XRCC6: variants seen among roughly 807,000 people sequenced by gnomAD.
XRCC6 encodes DNA repair protein Ku70.
A neutral mutation model predicts 65.7 loss-of-function variants in XRCC6; 5 were observed. The ratio of observed to expected loss-of-function variants is 0.08; its 90% CI spans 0.04 to 0.16. The LOEUF is 0.16. Ranked by LOEUF, XRCC6 falls within the 10% of genes least tolerant of loss-of-function variation. The pLI is 1.00. For synonymous variants in XRCC6, 270 were observed against 270.6 expected, an observed-to-expected ratio of 1.00 and a Z score of 0.02; for missense variants, 447 against 738.1, an observed-to-expected ratio of 0.61 and a Z score of 4.57.
chr22:41,645,068 AGGCG>A (rs1373881991), intron 6 of XRCC6, among the ~76,000 whole-genome samples: 1 of 151,696 alleles, frequency 6.6e-6, no homozygotes, highest in Non-Finnish European at 1.5e-5. Flanking sequence ...TGGGAGGCCG[AGGCG>A]GGCGGATCAC....
At chr22:41,631,122 C>T (rs1381711820) in intron 3 of XRCC6, among the ~76,000 whole-genome samples, 3 of 149,398 alleles carry the variant, frequency 2.0e-5, no homozygotes, top group East Asian at 2.0e-4. Flanking sequence ...CTGGACGGGG[C>T]GGCTGGCAGG....
At chr22:41,639,667 C>CTTT (rs71184825) in intron 6 of XRCC6, among the ~76,000 whole-genome samples, 4 of 81,050 alleles carry the variant, frequency 4.9e-5, no homozygotes, top group African/African-American at 1.1e-4. Context: ...GATTCTCTCT[C>CTTT]TTTTTTTTTT....
At chr22:41,640,003 G>C (rs990638857) in intron 6 of XRCC6, among the ~76,000 whole-genome samples, 1 of 151,728 alleles carries the variant, frequency 6.6e-6, no homozygotes, top group South Asian at 2.1e-4. Context: ...AATCCTAAAG[G>C]TTACTCATTG....
At chr22:41,645,193 C>T (rs956412785) in intron 6 of XRCC6, among the ~76,000 whole-genome samples, 2 of 151,312 alleles carry the variant, frequency 1.3e-5, no homozygotes, top group African/African-American at 4.9e-5. Flanking sequence ...CCCAGCTACT[C>T]GGGAGGCTGA....
rs750789414 is a variant in XRCC6, at chr22:41,658,335, A to C, written c.1505A>C (p.Gln502Pro). The C allele has an allele frequency of 6.2e-7, 1 of 1,614,180 alleles. No individual in the cohort carries two copies. Among genetic ancestry groups the C allele is most frequent in the Non-Finnish European group, 8.5e-7 (1 of 1,180,024 alleles). Residue 502 changes from glutamine to proline, a missense_variant, in exon 11 of 13, where the codon CAA (glutamine) becomes CCA (proline). This residue lies in a region of XRCC6 where 201 missense variants were observed against 374.1 expected (regional missense o/e 0.54). Coordinates refer to ENST00000360079, the MANE Select transcript of XRCC6 (RefSeq NM_001469.5). ...GCCTTGGATTTGATGGAGCCGGAACAAGCAGTGGACCTGACATGTAAGGAG... is the reference window on the plus strand; with the variant it reads ...GCCTTGGATTTGATGGAGCCGGAACCAGCAGTGGACCTGACATGTAAGGAG... Reference protein sequence around the residue: ...ALALDLMEPEQAVDLTLPKVE... With the variant: ...ALALDLMEPEPAVDLTLPKVE...
intron 9 of XRCC6, 69 bp downstream of exon 9, chr22:41,653,759 A>C: frequency 6.5e-7 from 1 of 1,530,286 alleles, no homozygotes; most frequent in Non-Finnish European, 8.9e-7. Flanking sequence ...ATGGACTCCT[A>C]ATGCAGACCT....
chr22:41,659,400 C>T (rs776907775), intron 11 of XRCC6, among the ~76,000 whole-genome samples: 3 of 151,992 alleles, frequency 2.0e-5, no homozygotes, highest in Non-Finnish European at 2.9e-5. Context: ...TTAGTAGAGA[C>T]GGGGTTTCAC....
chr22:41,649,139 A>AAAAAAAAAATATATATATAT, intron 7 of XRCC6, among the ~76,000 whole-genome samples: 3 of 88,736 alleles, frequency 3.4e-5, no homozygotes, highest in Admixed American at 1.7e-4. Context: ...AAAAAAAAAA[A>AAAAAAAAAATATATATATAT]ATATATATAT....
rs747986186 is a variant in XRCC6, at chr22:41,636,506, C to G, written c.335-10C>G. ...TTTTTCTTTCCATTTGACTCCCTGCCTCTGATCAGGTGCAAAACGAATTCT... is the reference window on the plus strand; with the variant it reads ...TTTTTCTTTCCATTTGACTCCCTGCGTCTGATCAGGTGCAAAACGAATTCT... On this transcript the variant is annotated splice_polypyrimidine_tract_variant and intron_variant, in intron 4 of 12. Transcript: ENST00000360079. 6.2e-7 allele frequency: 1 copy of G among 1,613,316 alleles called. No individual in the cohort carries two copies. Among genetic ancestry groups the G allele is most frequent in the African/African-American group, 1.3e-5 (1 of 75,028 alleles).
intron 11 of XRCC6, 110 bp downstream of exon 11, chr22:41,658,462 A>C: frequency 1.3e-5 from 13 of 984,476 alleles, no homozygotes; most frequent in African/African-American, 1.6e-5. Context: ...ACTTAACCTC[A>C]TTCCCCAGAC....
intron 3 of XRCC6, among the ~76,000 whole-genome samples, chr22:41,629,613 A>G (rs1245534003): frequency 6.6e-6 from 1 of 152,166 alleles, no homozygotes. Flanking sequence ...TTTTGGAACT[A>G]GAGTTGGTAG....
chr22:41,656,868 A>C (rs199605755), intron 9 of XRCC6, 35 bp from the exon 10 acceptor site: 10 of 1,611,440 alleles, frequency 6.2e-6, no homozygotes, highest in Non-Finnish European at 6.8e-6. Context: ...CAACACTTGA[A>C]GTCAAATCAA....
Position 41,661,356 on chromosome 22 carries a change from A to G in XRCC6, c.1548A>G (p.Lys516=). The change falls in exon 12 of 13, where the codon AAA becomes AAG. Residue 516 remains lysine (K), a synonymous_variant. Coordinates refer to ENST00000360079, the MANE Select transcript of XRCC6 (RefSeq NM_001469.5). Reference sequence around the variant, plus strand: ...TGCCCAAGGTTGAAGCAATGAATAAAAGACTGGGCTCCTTGGTGGATGAGT... The same window carrying G: ...TGCCCAAGGTTGAAGCAATGAATAAGAGACTGGGCTCCTTGGTGGATGAGT... ...LTLPKVEAMN[K]RLGSLVDEFK... 2 of 1,613,960 alleles carry G rather than the reference A, an allele frequency of 1.2e-6. No individual in the cohort carries two copies. Among genetic ancestry groups the G allele is most frequent in the Non-Finnish European group, 1.7e-6 (2 of 1,179,982 alleles).
intron 7 of XRCC6, 69 bp from the exon 8 acceptor site, chr22:41,650,654 A>G (rs1389462701): frequency 3.3e-6 from 5 of 1,534,652 alleles, no homozygotes; most frequent in Non-Finnish European, 4.5e-6. Context: ...TGCTAGTGTC[A>G]TCATCTTCGA....
intron 2 of XRCC6, among the ~76,000 whole-genome samples, chr22:41,626,863 ACCT>A: frequency 6.7e-6 from 1 of 150,242 alleles, no homozygotes; most frequent in Middle Eastern, 3.5e-3. Context: ...GATGGTCTCG[ACCT>A]CCTGACCTCG....
Position 41,661,405 on chromosome 22 carries a change from G to C in XRCC6, c.1597G>C (p.Asp533His). ...DEFKELVYPPDYNPEGKVTKR... is the reference protein window; with the variant it reads ...DEFKELVYPPHYNPEGKVTKR... The stretch of plus-strand genomic sequence containing the variant: ...GTTTAAGGAGCTTGTTTACCCACCA[G>C]ATTACAATCCTGAAGGGAAAGTTAC... Residue 533 changes from aspartate to histidine, a missense_variant, in exon 12 of 13, where the codon GAT becomes CAT. By Grantham distance (81) the Asp-to-His change is moderately conservative. Around this residue, in one of 4 missense-constraint regions of XRCC6, gnomAD observed 201 missense variants for 374.1 expected, o/e 0.54. Coordinates refer to ENST00000360079, the MANE Select transcript of XRCC6 (RefSeq NM_001469.5). 6.2e-7 allele frequency: 1 copy of C among 1,614,134 alleles called. No homozygotes were observed. The highest frequency in any genetic ancestry group is 8.5e-7 in the Non-Finnish European group (1 of 1,180,002).
intron 3 of XRCC6, among the ~76,000 whole-genome samples, chr22:41,629,715 G>A (rs547899382): frequency 2.6e-5 from 4 of 151,826 alleles, no homozygotes; most frequent in Non-Finnish European, 4.4e-5. Context: ...TGTCACCCGG[G>A]CTGTAGTGCA....
At chr22:41,624,825 G>C (rs952646281) in intron 2 of XRCC6, among the ~76,000 whole-genome samples, 2 of 148,090 alleles carry the variant, frequency 1.4e-5, no homozygotes, top group Non-Finnish European at 3.0e-5. Flanking sequence ...GTGAAACCCT[G>C]TGTCTACTAA....
At chr22:41,651,869 C>T (rs1341598586) in intron 8 of XRCC6, among the ~76,000 whole-genome samples, 2 of 151,952 alleles carry the variant, frequency 1.3e-5, no homozygotes, top group African/African-American at 4.8e-5. Flanking sequence ...CTGCAATCTC[C>T]GTCCCCTGGG....
Sources: allele counts gnomAD v4.1 joint callset (sites outside exome capture counted in the v4.1 genomes callset), GRCh38; gene constraint gnomAD v4.1.1; regional missense constraint gnomAD v4.1.1; transcripts MANE v1.5; gene names NCBI Gene and HGNC (gene_info 2026-07-23, HGNC 2026-07-21).